PRKCI: variants seen among roughly 807,000 people sequenced by gnomAD.
PRKCI encodes protein kinase C iota type.
A neutral mutation model predicts 84.0 loss-of-function variants in PRKCI; 43 were observed. That is an observed-to-expected ratio of 0.51 (90% CI 0.40 to 0.66). PRKCI has a LOEUF of 0.66. Ranked by LOEUF, PRKCI falls within the 30% of genes least tolerant of loss-of-function variation. The probability of loss-of-function intolerance (pLI) is 0.00; values close to 1 mark genes in which losing one functional copy is unlikely to be tolerated. For missense variants in PRKCI, 459 were observed against 745.6 expected (o/e 0.62, Z 4.48); for synonymous variants, 216 against 234.4 (o/e 0.92, Z 0.72).
chr3:170,239,996 A>C (rs2108839286), intron 2 of PRKCI, among the ~76,000 whole-genome samples: 1 of 152,228 alleles, frequency 6.6e-6, no homozygotes, highest in East Asian at 1.9e-4. Flanking sequence ...TCCCTACAAA[A>C]AAAATTTTTT....
intron 1 of PRKCI, among the ~76,000 whole-genome samples, chr3:170,232,805 A>T (rs1487180451): frequency 6.6e-6 from 1 of 151,648 alleles, no homozygotes; most frequent in Non-Finnish European, 1.5e-5. Flanking sequence ...CATCCTGAGT[A>T]GGTGGGATTA....
intron 1 of PRKCI, among the ~76,000 whole-genome samples, chr3:170,226,057 C>T (rs957312761): frequency 6.6e-6 from 1 of 151,930 alleles, no homozygotes; most frequent in Admixed American, 6.6e-5. Flanking sequence ...GGACTACAGG[C>T]GCCCACCACC....
At chr3:170,300,654 T>G (rs1002396835) in intron 17 of PRKCI, among the ~76,000 whole-genome samples, 5 of 151,692 alleles carry the variant, frequency 3.3e-5, no homozygotes, top group Non-Finnish European at 7.4e-5. Context: ...ATCAAACTTC[T>G]TCAGACTAGT....
At chr3:170,284,007 G>A (rs1734315073) in intron 11 of PRKCI, among the ~76,000 whole-genome samples, 1 of 151,824 alleles carries the variant, frequency 6.6e-6, no homozygotes, top group Non-Finnish European at 1.5e-5. Flanking sequence ...GGATTTTATA[G>A]TATTGAGTAG....
rs553820997 is a variant in PRKCI at position 170,243,600 on chromosome 3, A to C, written c.223+8249A>C. Reference sequence around the variant, plus strand: ...TATAAAATGGAAAAAGAAGATTTTGAAAAGGAGATGAGATGGGGCACTTCA... The same window carrying C: ...TATAAAATGGAAAAAGAAGATTTTGCAAAGGAGATGAGATGGGGCACTTCA... On this transcript the variant is annotated intron_variant, in intron 2 of 17. Transcript: ENST00000295797. Among the ~76,000 whole-genome samples, 3 of 152,306 alleles carry C rather than the reference A, an allele frequency of 2.0e-5. No homozygotes were observed. The East Asian group carries it at 5.8e-4, about 29-fold the overall frequency.
At chr3:170,286,437 T>C (rs1285435700) in intron 12 of PRKCI, among the ~76,000 whole-genome samples, 2 of 149,088 alleles carry the variant, frequency 1.3e-5, no homozygotes, top group African/African-American at 2.5e-5. Context: ...ACAAAAAACA[T>C]GGAGAGTATT....
At chr3:170,248,165 A>C (rs1733339431) in intron 2 of PRKCI, among the ~76,000 whole-genome samples, 4 of 152,146 alleles carry the variant, frequency 2.6e-5, no homozygotes, top group Non-Finnish European at 5.9e-5. Flanking sequence ...AATGTGGGGC[A>C]CTGAATTTAG....
chr3:170,296,689 A>C (rs1421566530), intron 15 of PRKCI, among the ~76,000 whole-genome samples: 1 of 152,228 alleles, frequency 6.6e-6, no homozygotes, highest in African/African-American at 2.4e-5. Flanking sequence ...ATGTGAGGAA[A>C]GATTTAAACT....
At chr3:170,249,299 A>G (rs916674678) in intron 2 of PRKCI, among the ~76,000 whole-genome samples, 12 of 152,198 alleles carry the variant, frequency 7.9e-5, no homozygotes, top group Non-Finnish European at 1.2e-4. Flanking sequence ...CAGCGAGTCT[A>G]GGGAAATTTG....
intron 16 of PRKCI, among the ~76,000 whole-genome samples, chr3:170,298,652 C>A (rs1184784976): frequency 6.6e-6 from 1 of 152,116 alleles, no homozygotes; most frequent in African/African-American, 2.4e-5. Flanking sequence ...GTGATCTGCG[C>A]ACCTTGGCCT....
At chr3:170,289,039 TC>T (rs1734470787) in intron 12 of PRKCI, among the ~76,000 whole-genome samples, 1 of 152,218 alleles carries the variant, frequency 6.6e-6, no homozygotes, top group African/African-American at 2.4e-5. Context: ...AGTGTTTTTT[TC>T]ATCAACAGAG....
At chr3:170,258,427 T>C (rs926488876) in intron 2 of PRKCI, among the ~76,000 whole-genome samples, 2 of 151,988 alleles carry the variant, frequency 1.3e-5, no homozygotes, top group African/African-American at 4.8e-5. Flanking sequence ...TGCCTTAGCC[T>C]CCCGAGTAGC....
rs113847818 is a variant in PRKCI at position 170,281,421 on chromosome 3, A to G, written c.980+158A>G. The G allele has an allele frequency of 4.7e-4, 284 of 606,106 alleles. 3 individuals are homozygous for G. The highest frequency in any genetic ancestry group is 3.7e-3 in the African/African-American group (200 of 54,092). 37.5% of individuals were successfully genotyped at this position (606,106 alleles called of 1,614,324 possible). A position where few individuals can be genotyped will look rare whatever the true frequency, so the allele number is the denominator to read the frequency against. Reference sequence around the variant, plus strand: ...TGCTAATAATACTGCCATCAGTGATATCAGTTTGATATTAGATCAGCATTA... The same window carrying G: ...TGCTAATAATACTGCCATCAGTGATGTCAGTTTGATATTAGATCAGCATTA... On this transcript the variant is annotated intron_variant, in intron 10 of 17. Coordinates refer to ENST00000295797, the MANE Select transcript of PRKCI (RefSeq NM_002740.6).
At chr3:170,250,793 C>T (rs551092360) in intron 2 of PRKCI, among the ~76,000 whole-genome samples, 50 of 152,256 alleles carry the variant, frequency 3.3e-4, no homozygotes, top group African/African-American at 1.2e-3. Context: ...AGTGGCTACA[C>T]CATTTACCTT....
intron 8 of PRKCI, 135 bp downstream of exon 8, chr3:170,275,422 C>G: frequency 1.3e-6 from 1 of 753,242 alleles, no homozygotes; most frequent in Non-Finnish European, 1.9e-6. Context: ...GTAATGATTC[C>G]AGAGTTTTAT....
chr3:170,244,867 C>A (rs1031744813), intron 2 of PRKCI: 2 of 152,200 alleles, frequency 1.3e-5, no homozygotes, highest in Non-Finnish European at 2.9e-5. Flanking sequence ...CACTGCTTCA[C>A]TTGACTAGCC....
At chr3:170,233,194 G>C (rs1438573597) in intron 1 of PRKCI, among the ~76,000 whole-genome samples, 1 of 91,036 alleles carries the variant, frequency 1.1e-5, no homozygotes, top group Non-Finnish European at 2.5e-5. Context: ...TTACACTGAG[G>C]TAGCAGAAGG....
intron 1 of PRKCI, among the ~76,000 whole-genome samples, chr3:170,226,606 A>C (rs1732633530): frequency 6.6e-6 from 1 of 152,208 alleles, no homozygotes; most frequent in South Asian, 2.1e-4. Flanking sequence ...CCTTCTGTGC[A>C]CATCTAGAAA....
rs1440224447 is a variant in PRKCI at position 170,273,277 on chromosome 3, T to C, written c.592-9T>C. Reference sequence around the variant, plus strand: ...CACTGAGTTACTGTGTCTTTGGAAATGTTTGTAGGAACCAGTGATGCCCAT... The same window carrying C: ...CACTGAGTTACTGTGTCTTTGGAAACGTTTGTAGGAACCAGTGATGCCCAT... On this transcript the variant is annotated splice_polypyrimidine_tract_variant and intron_variant, in intron 6 of 17. Transcript: ENST00000295797. 3.1e-6 allele frequency: 5 copies of C among 1,612,526 alleles called. No individual in the cohort carries two copies. Among genetic ancestry groups the C allele is most frequent in the South Asian group, 2.2e-5 (2 of 91,026 alleles).
Sources: allele counts gnomAD v4.1 joint callset (sites outside exome capture counted in the v4.1 genomes callset), GRCh38; gene constraint gnomAD v4.1.1; transcripts MANE v1.5; gene names NCBI Gene and HGNC (gene_info 2026-07-23, HGNC 2026-07-21).